The following CABP1 variants were observed in gnomAD, a reference collection of about 807,000 sequenced individuals.
The protein encoded by CABP1 is calcium-binding protein 1.
Under a neutral mutation model 34.3 loss-of-function variants are expected in CABP1, and 17 were observed. The ratio of observed to expected loss-of-function variants is 0.50; its 90% CI spans 0.34 to 0.74. The LOEUF is 0.74. CABP1 is among the 30% of genes least tolerant of loss of function. The pLI is 0.01. For missense variants in CABP1, 373 were observed against 511.1 expected, an observed-to-expected ratio of 0.73 and a Z score of 2.61; for synonymous variants, 198 against 229.2, an observed-to-expected ratio of 0.86 and a Z score of 1.23.
intron 1 of CABP1, among the ~76,000 whole-genome samples, chr12:120,654,462 G>A (rs1424061630): frequency 6.6e-6 from 1 of 152,128 alleles, no homozygotes; most frequent in African/African-American, 2.4e-5. Flanking sequence ...CCTAAGCAGG[G>A]CCTTCTTTGC....
intron 1 of CABP1, chr12:120,650,573 C>T: frequency 6.2e-7 from 1 of 1,612,142 alleles, no homozygotes. Context: ...GACGGAAGTC[C>T]CTCAGTCCCC....
intron 1 of CABP1, chr12:120,655,578 C>T (rs748205632): frequency 3.0e-5 from 39 of 1,281,990 alleles, no homozygotes; most frequent in Non-Finnish European, 3.8e-5. Context: ...CTGCCAGCTC[C>T]GATTGCCCTC....
At chr12:120,648,707 C>A (rs1173940323) in intron 1 of CABP1, among the ~76,000 whole-genome samples, 1 of 151,814 alleles carries the variant, frequency 6.6e-6, no homozygotes, top group Non-Finnish European at 1.5e-5. Flanking sequence ...ATGGTGAAAC[C>A]CCATCTCTAC....
chr12:120,665,637 A>G (rs1478029628), intron 5 of CABP1, among the ~76,000 whole-genome samples: 1 of 151,984 alleles, frequency 6.6e-6, no homozygotes, highest in African/African-American at 2.4e-5. Context: ...TTGGTGTGGG[A>G]GGCTATGCGT....
chr12:120,661,053 C>G lies in CABP1; in HGVS notation c.940-18C>G, dbSNP rs1177782806. On this transcript the variant is annotated intron_variant, in intron 4 of 5. Transcript: ENST00000316803. This position sits in a 1 kb window ranked among gnomAD's most constrained non-coding sequence, Gnocchi z 5.1. ...CGCCATGCTGGGGCGACCTCTCCTTCCTTCCTGCCTTCTCTAGTTTGACAC... is the reference window on the plus strand; with the variant it reads ...CGCCATGCTGGGGCGACCTCTCCTTGCTTCCTGCCTTCTCTAGTTTGACAC... 1 of 1,607,714 alleles carries G rather than the reference C, an allele frequency of 6.2e-7. No homozygotes were observed. The highest frequency in any genetic ancestry group is 1.1e-5 in the South Asian group (1 of 90,620).
At chr12:120,667,524 C>T (rs529674991), downstream of CABP1, among the ~76,000 whole-genome samples, 6 of 152,016 alleles carry the variant, frequency 3.9e-5, no homozygotes, top group African/African-American at 7.2e-5. Flanking sequence ...GGTCTAGCTC[C>T]GTCACCCAGG....
downstream of CABP1, among the ~76,000 whole-genome samples, chr12:120,671,583 C>A (rs985728237): frequency 2.6e-5 from 4 of 152,214 alleles, no homozygotes; most frequent in Non-Finnish European, 5.9e-5. Flanking sequence ...TGTGGAGAGG[C>A]TCAGATGGGA....
At chr12:120,642,953 C>T (rs932856544) in intron 1 of CABP1, among the ~76,000 whole-genome samples, 2 of 122,476 alleles carry the variant, frequency 1.6e-5, no homozygotes, top group African/African-American at 6.5e-5. Context: ...GAATCATACA[C>T]TTTCTGGTTA....
At chr12:120,655,843 G>T (rs769459617) in intron 1 of CABP1, 23,526 of 1,532,942 alleles carry the variant, frequency 0.015, 263 homozygotes, top group Non-Finnish European at 0.018. Flanking sequence ...GTGTGTGTGT[G>T]TGTGTGTGCG....
the CABP1 span, among the ~76,000 whole-genome samples, chr12:120,675,610 G>A: frequency 2.0e-5 from 3 of 152,220 alleles, no homozygotes; most frequent in African/African-American, 7.2e-5. Flanking sequence ...GTATTCTTCA[G>A]AGCACACATG....
downstream of CABP1, among the ~76,000 whole-genome samples, chr12:120,670,998 A>T (rs1196443098): frequency 6.6e-6 from 1 of 152,162 alleles, no homozygotes; most frequent in African/African-American, 2.4e-5. Context: ...TATTAGTAGT[A>T]CCCACTAGGT....
chr12:120,650,528 A>C lies in CABP1; in HGVS notation c.654+9189A>C, dbSNP rs1302212922. 21 of 1,594,570 alleles carry C rather than the reference A, an allele frequency of 1.3e-5. No homozygotes were observed. In the East Asian group the frequency reaches 4.5e-4, roughly 34 times the overall value. On this transcript the variant is annotated intron_variant, in intron 1 of 5. Coordinates refer to ENST00000316803, the MANE Select transcript of CABP1 (RefSeq NM_001033677.2). Reference sequence around the variant, plus strand: ...ACATCCGTCCTGGAGGAAGAACGGCACAGACGGAGGGAGGCTGGGGTTGGC... The same window carrying C: ...ACATCCGTCCTGGAGGAAGAACGGCCCAGACGGAGGGAGGCTGGGGTTGGC...
the CABP1 span, among the ~76,000 whole-genome samples, chr12:120,676,431 TTC>T: frequency 6.8e-6 from 1 of 147,030 alleles, no homozygotes; most frequent in African/African-American, 2.5e-5. Context: ...TTTCTTCTTC[TTC>T]TTTTTTTTTT....
intron 1 of CABP1, among the ~76,000 whole-genome samples, chr12:120,646,555 C>T (rs1879546202): frequency 6.6e-6 from 1 of 152,162 alleles, no homozygotes. Context: ...TGCTCTGTCA[C>T]CCAGGCTGGA....
the CABP1 span, among the ~76,000 whole-genome samples, chr12:120,676,576 C>T: frequency 4.0e-5 from 6 of 151,680 alleles, no homozygotes; most frequent in African/African-American, 1.2e-4. Context: ...TACAGGCATG[C>T]GCCACCACAC....
At chr12:120,647,869 A>G (rs1021256690) in intron 1 of CABP1, among the ~76,000 whole-genome samples, 1 of 151,582 alleles carries the variant, frequency 6.6e-6, no homozygotes, top group Non-Finnish European at 1.5e-5. Flanking sequence ...GGTGTGAGCC[A>G]CCACGCCCCG....
downstream of CABP1, among the ~76,000 whole-genome samples, chr12:120,668,629 C>T (rs1260478690): frequency 2.0e-5 from 3 of 152,334 alleles, no homozygotes; most frequent in South Asian, 4.1e-4. Context: ...GGGGTCAGTG[C>T]ATAGCAAGTG....
Position 120,660,765 on chromosome 12 carries a change from G to A in CABP1, c.864G>A (p.Glu288=). 1 of 1,614,020 alleles carries A rather than the reference G, an allele frequency of 6.2e-7. No homozygotes were observed. Among genetic ancestry groups the A allele is most frequent in the East Asian group, 2.2e-5 (1 of 44,874 alleles). Residue 288 remains glutamate (E), a synonymous_variant, in exon 4 of 6, where the codon GAG becomes GAA. Coordinates refer to ENST00000316803, the MANE Select transcript of CABP1 (RefSeq NM_001033677.2). This position sits in a 1 kb window ranked among gnomAD's most constrained non-coding sequence, Gnocchi z 5.0. ...GGHVDFDDFV[E]LMGPKLLAET... ...ATGTAGATTTTGATGACTTCGTGGA[G>A]CTAATGGGGCCTAAACTCCTGGCAG...
At chr12:120,676,717 G>A in the CABP1 span, among the ~76,000 whole-genome samples, 3 of 152,090 alleles carry the variant, frequency 2.0e-5, no homozygotes, top group African/African-American at 7.2e-5. Flanking sequence ...ATCAGCCACC[G>A]CACCCGGTCA....
Sources: allele counts gnomAD v4.1 joint callset (sites outside exome capture counted in the v4.1 genomes callset), GRCh38; gene constraint gnomAD v4.1.1; non-coding constraint Gnocchi (gnomAD v3.1); transcripts MANE v1.5; gene names NCBI Gene and HGNC (gene_info 2026-07-23, HGNC 2026-07-21).